The following REV3L variants were observed in gnomAD, a reference collection of about 807,000 sequenced individuals.
The protein encoded by REV3L is DNA polymerase zeta catalytic subunit.
Under a neutral mutation model 299.4 loss-of-function variants are expected in REV3L, and 69 were observed. That is an observed-to-expected ratio of 0.23 (90% CI 0.19 to 0.28). The LOEUF is 0.28. Ranked by LOEUF, REV3L falls within the 10% of genes least tolerant of loss-of-function variation. The probability of loss-of-function intolerance (pLI) is 1.00; values close to 1 mark genes in which losing one functional copy is unlikely to be tolerated. For missense variants in REV3L, 3,128 were observed against 3,693.8 expected (o/e 0.85, Z 3.97); for synonymous variants, 1,238 against 1,271.4 (o/e 0.97, Z 0.56).
At chr6:111,327,428 A>G (rs1774949298) in intron 25 of REV3L, among the ~76,000 whole-genome samples, 1 of 151,888 alleles carries the variant, frequency 6.6e-6, no homozygotes, top group Admixed American at 6.6e-5. Context: ...AGAGGTAAGC[A>G]CCTGTAGTCC....
intron 1 of REV3L, among the ~76,000 whole-genome samples, chr6:111,428,877 C>A (rs1786505203): frequency 6.6e-6 from 1 of 151,954 alleles, no homozygotes; most frequent in Non-Finnish European, 1.5e-5. Flanking sequence ...TATCCAGGTA[C>A]AGGAATAAAG....
chr6:111,451,939 GATTGGGAGAAAAT>G (rs1789595699), intron 1 of REV3L, among the ~76,000 whole-genome samples: 3 of 151,508 alleles, frequency 2.0e-5, no homozygotes, highest in Admixed American at 2.0e-4. Context: ...GCAAGCCATA[GATTGGGAGAAAAT>G]ATCTGCAAAA....
chr6:111,335,355 C>A, intron 22 of REV3L, 114 bp downstream of exon 22: 1 of 1,127,378 alleles, frequency 8.9e-7, no homozygotes, highest in Non-Finnish European at 1.2e-6. Flanking sequence ...AATTACCCAG[C>A]TATTGATTAG....
chr6:111,311,501 G>A (rs759794708), intron 28 of REV3L: 2 of 319,038 alleles, frequency 6.3e-6, no homozygotes, highest in Non-Finnish European at 1.1e-5. Flanking sequence ...GGAATGACAT[G>A]CAAATTAACA....
In REV3L at chr6:111,367,437, A is replaced by G. The variant is rs1352949808; in HGVS notation, c.6351T>C (p.Tyr2117=). The G allele has an allele frequency of 6.2e-7, 1 of 1,611,438 alleles. No homozygotes were observed. The highest frequency in any genetic ancestry group is 8.5e-7 in the Non-Finnish European group (1 of 1,178,990). The stretch of plus-strand genomic sequence containing the variant: ...GAATTACTGGAGAATCAGGGGAGCT[A>G]TAACTAATGTAATAGTTATCATCAT... The part of the protein sequence containing the change: ...EDDDDNYYIS[Y]SSPDSPVIPP... The change falls in exon 14 of 32, where the codon TAT becomes TAC. Residue 2117 remains tyrosine, a synonymous_variant. Coordinates refer to ENST00000368802, the MANE Select transcript of REV3L (RefSeq NM_001372078.1).
At chr6:111,430,959 A>C (rs1483972941) in intron 1 of REV3L, 1 of 1,583,972 alleles carries the variant, frequency 6.3e-7, no homozygotes, top group Non-Finnish European at 8.6e-7. Flanking sequence ...GGAAGACTTC[A>C]GTCTGGTGTG....
intron 20 of REV3L, 72 bp from the exon 21 acceptor site, chr6:111,344,115 C>G: frequency 3.2e-6 from 3 of 926,024 alleles, no homozygotes; most frequent in Non-Finnish European, 4.9e-6. Flanking sequence ...TAAAAGATAC[C>G]AATATCACTT....
chr6:111,471,277 C>T (rs942776407), intron 1 of REV3L, among the ~76,000 whole-genome samples: 30 of 151,704 alleles, frequency 2.0e-4, no homozygotes, highest in Admixed American at 1.4e-3. Context: ...CTAGTGATGG[C>T]TTTGGAAAAT....
chr6:111,425,921 G>C (rs916864345), intron 1 of REV3L, among the ~76,000 whole-genome samples: 2 of 152,152 alleles, frequency 1.3e-5, no homozygotes, highest in African/African-American at 4.8e-5. Flanking sequence ...ATTTACAAGA[G>C]GGGGTATGAT....
intron 31 of REV3L, 60 bp downstream of exon 31, chr6:111,307,301 C>CT (rs1382329485): frequency 7.1e-7 from 1 of 1,409,092 alleles, no homozygotes; most frequent in Non-Finnish European, 1.0e-6. Flanking sequence ...TCAAGAGTGA[C>CT]TATATCTTCC....
intron 1 of REV3L, among the ~76,000 whole-genome samples, chr6:111,425,844 G>A (rs1008835831): frequency 1.3e-5 from 2 of 152,012 alleles, no homozygotes; most frequent in African/African-American, 4.8e-5. Flanking sequence ...AATGAAGAGA[G>A]AGAAATTATA....
chr6:111,418,544 G>A (rs1784998295), intron 1 of REV3L, among the ~76,000 whole-genome samples: 1 of 152,088 alleles, frequency 6.6e-6, no homozygotes, highest in Non-Finnish European at 1.5e-5. Flanking sequence ...CAGGTAATAG[G>A]GTAAGTGCTT....
intron 21 of REV3L, among the ~76,000 whole-genome samples, chr6:111,338,729 C>T (rs142963085): frequency 2.0e-5 from 3 of 151,928 alleles, no homozygotes; most frequent in African/African-American, 7.2e-5. Flanking sequence ...CTAAGATCAA[C>T]TCTATTTTTT....
In REV3L at chr6:111,388,223, T is replaced by C. The variant is rs118038113; in HGVS notation, c.863-138A>G. On this transcript the variant is annotated intron_variant, in intron 7 of 31. Transcript: ENST00000368802. ...TACATAATACAACCTAACTGTAGTT[T>C]TACCATAGAATCACACAAAAGAGAA... 699 of 616,984 alleles carry C rather than the reference T, an allele frequency of 1.1e-3. 5 individuals carry two copies. The East Asian group carries it at 0.018, about 16-fold the overall frequency. 38.2% of individuals were successfully genotyped at this position (616,984 alleles called of 1,614,324 possible). A position where few individuals can be genotyped will look rare whatever the true frequency, so the allele number is the denominator to read the frequency against.
chr6:111,405,038 C>T (rs933219879), intron 4 of REV3L, among the ~76,000 whole-genome samples: 5 of 151,862 alleles, frequency 3.3e-5, no homozygotes, highest in Non-Finnish European at 7.4e-5. Context: ...TCTAACAACT[C>T]CAGGGATTTC....
At chr6:111,457,421 A>C (rs1790276423) in intron 1 of REV3L, among the ~76,000 whole-genome samples, 1 of 151,996 alleles carries the variant, frequency 6.6e-6, no homozygotes, top group African/African-American at 2.4e-5. Context: ...CAATAGCCAC[A>C]ACCCCAGGCT....
chr6:111,318,857 G>A (rs1398269693), intron 26 of REV3L, among the ~76,000 whole-genome samples: 3 of 151,962 alleles, frequency 2.0e-5, no homozygotes, highest in African/African-American at 4.8e-5. Context: ...GCGCCCGGCC[G>A]TATGCAACAT....
intron 20 of REV3L, among the ~76,000 whole-genome samples, chr6:111,346,005 G>A (rs2114916663): frequency 6.6e-6 from 1 of 152,114 alleles, no homozygotes; most frequent in Non-Finnish European, 1.5e-5. Flanking sequence ...CCACAATTCT[G>A]TTTTAGCTAA....
chr6:111,436,462 A>C (rs913654450), intron 1 of REV3L, among the ~76,000 whole-genome samples: 21 of 152,206 alleles, frequency 1.4e-4, no homozygotes, highest in Admixed American at 1.3e-3. Flanking sequence ...AAAAAAATGA[A>C]ATCCTGTCAT....
Sources: allele counts gnomAD v4.1 joint callset (sites outside exome capture counted in the v4.1 genomes callset), GRCh38; gene constraint gnomAD v4.1.1; transcripts MANE v1.5; gene names NCBI Gene and HGNC (gene_info 2026-07-23, HGNC 2026-07-21).